CLCN7: variants seen among roughly 807,000 people sequenced by gnomAD.
The protein encoded by CLCN7 is Cl-/H+ antiporter 7, also known as H(+)/Cl(-) exchange transporter 7.
CLCN7 carries 60 observed loss-of-function variants against 102.1 expected under a neutral mutation model. That is an observed-to-expected ratio of 0.59 (90% confidence interval 0.48 to 0.73). CLCN7 has a LOEUF of 0.73. Ranked by LOEUF, CLCN7 falls within the 30% of genes least tolerant of loss-of-function variation. The pLI is 0.00. For synonymous variants in CLCN7, 560 were observed against 490.5 expected (o/e 1.14, Z -1.87); for missense variants, 962 against 1,125.7 (o/e 0.85, Z 2.08).
At chr16:1,461,368 C>A (rs976641419) in intron 4 of CLCN7, 37 bp downstream of exon 4, 1 of 1,535,558 alleles carries the variant, frequency 6.5e-7, no homozygotes, top group African/African-American at 1.4e-5. Context: ...CCAGGCCCCG[C>A]ACCGTGGGGC....
chr16:1,463,474 T>C (rs555500583), intron 2 of CLCN7, among the ~76,000 whole-genome samples: 32 of 152,100 alleles, frequency 2.1e-4, no homozygotes, highest in African/African-American at 6.0e-4. Flanking sequence ...TCTCAAAGAA[T>C]AGTAATAATT....
chr16:1,465,870 T>C (rs2038998568), intron 1 of CLCN7, among the ~76,000 whole-genome samples: 1 of 152,200 alleles, frequency 6.6e-6, no homozygotes, highest in African/African-American at 2.4e-5. Flanking sequence ...ACCTAAGGCT[T>C]TGCGGCCGCC....
intron 2 of CLCN7, 26 bp from the exon 3 acceptor site, chr16:1,461,700 A>C: frequency 6.2e-7 from 1 of 1,603,974 alleles, no homozygotes; most frequent in Non-Finnish European, 8.5e-7. Flanking sequence ...GCAAAGAGAG[A>C]AGCACAGTTG....
chr16:1,447,367 G>C, intron 23 of CLCN7, 25 bp downstream of exon 23: 2 of 1,520,018 alleles, frequency 1.3e-6, no homozygotes, highest in Non-Finnish European at 1.8e-6. Context: ...CAGGCCCCAC[G>C]CCCATGCCCA....
chr16:1,446,283 G>A lies in CLCN7; in HGVS notation c.*348C>T, dbSNP rs2038638172. 4.3e-6 allele frequency: 3 copies of A among 696,866 alleles called. No homozygotes were observed. The highest frequency in any genetic ancestry group is 3.2e-4 in the Middle Eastern group (1 of 3,082). 43.2% of individuals were successfully genotyped at this position (696,866 alleles called of 1,614,324 possible). Reference sequence around the variant, plus strand: ...GCAAGGGCTCTGTCTCACGCACACGGGCACAGGCACGCAGGTGCCGGCCCT... The same window carrying A: ...GCAAGGGCTCTGTCTCACGCACACGAGCACAGGCACGCAGGTGCCGGCCCT... On this transcript the variant is annotated 3_prime_UTR_variant, in exon 25 of 25. Transcript: ENST00000382745.
chr16:1,472,737 T>TA (rs2039094233), intron 1 of CLCN7: 4 of 150,738 alleles, frequency 2.7e-5, no homozygotes, highest in East Asian at 3.9e-4. Flanking sequence ...TTTCTTTAAT[T>TA]AAAAAAATTT....
At chr16:1,450,200 C>A in intron 17 of CLCN7, 2 of 462,358 alleles carry the variant, frequency 4.3e-6, no homozygotes, top group Non-Finnish European at 8.1e-6. Context: ...AGCTCTGCAG[C>A]AGCCCACAAT....
chr16:1,474,191 G>A lies in CLCN7; in HGVS notation c.141+643C>T, dbSNP rs746803534. ...AGACGCACGCTGCAGGGTGACATGC[G>A]GAACGCATTCCAACCTCTGACTTGC... On this transcript the variant is annotated intron_variant, in intron 1 of 24. Coordinates refer to ENST00000382745, the MANE Select transcript of CLCN7 (RefSeq NM_001287.6). The A allele has an allele frequency of 1.1e-5, 5 of 456,000 alleles. No homozygotes were observed. The East Asian group carries it at 2.8e-4, about 25-fold the overall frequency. The allele number at this position is 456,000 out of a possible 1,614,324, so 28.2% of individuals were successfully genotyped here.
At chr16:1,465,413 CG>C (rs753979017) in intron 1 of CLCN7, 75 bp from the exon 2 acceptor site, 182 of 1,363,226 alleles carry the variant, frequency 1.3e-4, no homozygotes, top group Non-Finnish European at 1.6e-4. Context: ...CTCCCGCCGC[CG>C]CACCCTGGCC....
intron 18 of CLCN7, 54 bp downstream of exon 18, chr16:1,449,222 C>A (rs947749603): frequency 2.6e-6 from 4 of 1,567,436 alleles, no homozygotes; most frequent in Non-Finnish European, 8.6e-7. Flanking sequence ...ACAGCCATGG[C>A]CCCCTCCAGA....
In CLCN7 at chr16:1,446,517, C is replaced by A; in HGVS notation, c.*114G>T. ...CCTGCCCGCCCAGCTGCAGGGTGCTCGCCATTGCCACTGCTGGGGAGCATG... is the reference window on the plus strand; with the variant it reads ...CCTGCCCGCCCAGCTGCAGGGTGCTAGCCATTGCCACTGCTGGGGAGCATG... On this transcript the variant is annotated 3_prime_UTR_variant, in exon 25 of 25. Transcript: ENST00000382745. The A allele has an allele frequency of 3.1e-6, 3 of 979,020 alleles. No individual in the cohort carries two copies. Among genetic ancestry groups the A allele is most frequent in the Non-Finnish European group, 4.7e-6 (3 of 632,076 alleles). 60.6% of individuals were successfully genotyped at this position (979,020 alleles called of 1,614,324 possible). A position where few individuals can be genotyped will look rare whatever the true frequency, so the allele number is the denominator to read the frequency against.
Position 1,456,647 on chromosome 16 carries a change from C to T in CLCN7, c.823-441G>A, listed in dbSNP as rs11642446. 3.4e-4 allele frequency among the ~76,000 whole-genome samples: 52 copies of T among 152,060 alleles called. 1 individual carries two copies. In the East Asian group the frequency reaches 4.1e-3, roughly 12 times the overall value. On this transcript the variant is annotated intron_variant, in intron 9 of 24. Transcript: ENST00000382745. ...TGAGGTCGGGAGTTTGAGACCAGCCCGGCCAACATGGCAAAACCCCATCTC... is the reference window on the plus strand; with the variant it reads ...TGAGGTCGGGAGTTTGAGACCAGCCTGGCCAACATGGCAAAACCCCATCTC...
intron 1 of CLCN7, among the ~76,000 whole-genome samples, chr16:1,472,207 A>G (rs1254771441): frequency 1.3e-5 from 2 of 152,256 alleles, no homozygotes; most frequent in Non-Finnish European, 2.9e-5. Flanking sequence ...AAACAAACAA[A>G]TAAGCTTACA....
rs752143449 is a variant in CLCN7 at position 1,449,068 on chromosome 16, G to A, written c.1695C>T (p.Ser565=). 1.2e-6 allele frequency: 2 copies of A among 1,612,818 alleles called. No homozygotes were observed. The highest frequency in any genetic ancestry group is 1.7e-6 in the Non-Finnish European group (2 of 1,180,008). The part of the protein sequence containing the change: ...QLGGIVRMTL[S]LTVIMMEATS... ...TGGCCTCCATCATGATGACGGTCAG[G>A]CTCAGTGTCATCCGCACAATCCCGC... is the stretch of plus-strand genomic sequence containing the variant. The change falls in exon 19 of 25, where the codon AGC becomes AGT. Residue 565 remains serine, a synonymous_variant. Coordinates refer to ENST00000382745, the MANE Select transcript of CLCN7 (RefSeq NM_001287.6).
chr16:1,470,582 A>C (rs994638569), intron 1 of CLCN7, among the ~76,000 whole-genome samples: 2 of 152,228 alleles, frequency 1.3e-5, no homozygotes, highest in Admixed American at 1.3e-4. Flanking sequence ...GCAGAGACCT[A>C]AAGCAAGACA....
Position 1,454,432 on chromosome 16 carries a change from A to G in CLCN7, c.1132T>C (p.Phe378Leu). The G allele has an allele frequency of 3.1e-6, 5 of 1,613,698 alleles. No individual in the cohort carries two copies. The highest frequency in any genetic ancestry group is 4.2e-6 in the Non-Finnish European group (5 of 1,180,000). ...MAYTIHEIPV[F>L]IAMGVVGGVL... ...TTACCCACCACGCCCATGGCGATGA[A>G]GACCGGGATCTCGTGGATCGTGTAG... The change falls in exon 13 of 25, where the codon TTC becomes CTC. Residue 378 changes from phenylalanine to leucine, a missense_variant. By Grantham distance (22) the Phe-to-Leu change is conservative. Coordinates refer to ENST00000382745, the MANE Select transcript of CLCN7 (RefSeq NM_001287.6).
chr16:1,448,651 C>T (rs1389157413), intron 20 of CLCN7, 30 bp downstream of exon 20: 3 of 1,610,560 alleles, frequency 1.9e-6, no homozygotes, highest in East Asian at 2.2e-5. Flanking sequence ...TGGACACCCT[C>T]CCCACCCACA....
intron 12 of CLCN7, 51 bp downstream of exon 12, chr16:1,455,083 G>A (rs1486356076): frequency 9.4e-7 from 1 of 1,066,094 alleles, no homozygotes; most frequent in Non-Finnish European, 1.5e-6. Flanking sequence ...AAGCAAACAG[G>A]GTCCTGGACC....
chr16:1,452,721 G>C, intron 15 of CLCN7, 34 bp downstream of exon 15: 1 of 1,563,918 alleles, frequency 6.4e-7, no homozygotes, highest in Non-Finnish European at 8.7e-7. Context: ...TGGCTGCCCT[G>C]CCTGCTGGAC....
Sources: gnomAD v4.1 joint callset for allele counts (sites outside exome capture counted in the v4.1 genomes callset) on GRCh38, gnomAD v4.1.1 for gene constraint, MANE v1.5 for transcripts, NCBI Gene and HGNC (gene_info 2026-07-23, HGNC 2026-07-21) for gene names.